Variants in QRSL1 observed in about 807,000 individuals in gnomAD.
QRSL1 encodes glutamyl-tRNA(Gln) amidotransferase subunit A, mitochondrial.
In QRSL1, 54 loss-of-function variants were observed where a neutral mutation model predicts 61.6. The observed-to-expected ratio is 0.88, with a 90% CI of 0.70 to 1.10. The LOEUF is 1.10. QRSL1 is among the 50% of genes least tolerant of loss of function. The pLI is 0.00. For missense variants in QRSL1, 505 were observed against 622.6 expected, an observed-to-expected ratio of 0.81 and a Z score of 2.01; for synonymous variants, 228 against 225.7, an observed-to-expected ratio of 1.01 and a Z score of -0.09.
At position 106,663,023 on chromosome 6, in the gene QRSL1, C is replaced by G. The variant is rs777858343; in HGVS notation, c.1204C>G (p.Leu402Val). ...TGTCAAAGCACAGAAAGTGAGACGC[C>G]TCATTGCTAATGACTTTGTAAATGC... Reference protein sequence around the residue: ...YFVKAQKVRRLIANDFVNAFN... With the variant: ...YFVKAQKVRRVIANDFVNAFN... The change falls in exon 10 of 11, where the codon CTC becomes GTC. Residue 402 changes from leucine to valine, a missense_variant. Leu to Val is a conservative substitution (Grantham distance 32). Transcript: ENST00000369046. 26 of 1,612,898 alleles carry G rather than the reference C, an allele frequency of 1.6e-5. No homozygotes were observed. The highest frequency in any genetic ancestry group is 3.3e-4 in the Middle Eastern group (2 of 6,080).
chr6:106,640,969 T>A (rs199791215), intron 3 of QRSL1, 48 bp downstream of exon 3: 4 of 1,389,086 alleles, frequency 2.9e-6, no homozygotes, highest in Non-Finnish European at 3.0e-6. Context: ...AAAATAGGTA[T>A]TTTTCGCTTT....
At chr6:106,648,909 T>A in intron 4 of QRSL1, 116 bp from the exon 5 acceptor site, 1 of 1,026,030 alleles carries the variant, frequency 9.7e-7, no homozygotes, top group Non-Finnish European at 1.4e-6. Flanking sequence ...CAATTCAAGC[T>A]ACAGTGGGTT....
Position 106,629,719 on chromosome 6 carries a change from G to A in QRSL1, c.24+14G>A. 2 of 1,601,216 alleles carry A rather than the reference G, an allele frequency of 1.2e-6. No individual in the cohort carries two copies. Among genetic ancestry groups the A allele is most frequent in the Non-Finnish European group, 1.7e-6 (2 of 1,174,500 alleles). On this transcript the variant is annotated intron_variant, in intron 1 of 10. Transcript: ENST00000369046. ...AGCCTCCGAGAAGTGAGTGGAATTGGCCCGCTGAGGCCCCCGGGAGGGCGG... is the reference window on the plus strand; with the variant it reads ...AGCCTCCGAGAAGTGAGTGGAATTGACCCGCTGAGGCCCCCGGGAGGGCGG...
At position 106,663,037 on chromosome 6, in the gene QRSL1, C is replaced by T; in HGVS notation, c.1218C>T (p.Asp406=). ...AAGTGAGACGCCTCATTGCTAATGA[C>T]TTTGTAAATGCTTTTAACTCTGGAG... ...AQKVRRLIAN[D]FVNAFNSGVD... The change falls in exon 10 of 11, where the codon GAC becomes GAT. Residue 406 remains aspartate (D), a synonymous_variant. Transcript: ENST00000369046. 6.2e-7 allele frequency: 1 copy of T among 1,613,162 alleles called. No homozygotes were observed.
chr6:106,644,151 C>T (rs1376297713), intron 4 of QRSL1, among the ~76,000 whole-genome samples: 1 of 152,186 alleles, frequency 6.6e-6, no homozygotes, highest in Non-Finnish European at 1.5e-5. Context: ...GGATTACAGG[C>T]ATGTGCCACC....
intron 10 of QRSL1, 71 bp downstream of exon 10, chr6:106,663,256 A>T: frequency 1.4e-6 from 2 of 1,463,806 alleles, no homozygotes; most frequent in South Asian, 2.3e-5. Flanking sequence ...TCAACTTAAG[A>T]TTCTAGCTAG....
Position 106,640,969 on chromosome 6 carries a change from T to C in QRSL1, c.283+48T>C, listed in dbSNP as rs199791215. On this transcript the variant is annotated intron_variant, in intron 3 of 10. Coordinates refer to ENST00000369046, the MANE Select transcript of QRSL1 (RefSeq NM_018292.5). ...ATTGATAATTTTATAAAAATAGGTA[T>C]TTTTCGCTTTAAGGATAATAAAGTA... 9 of 1,389,086 alleles carry C rather than the reference T, an allele frequency of 6.5e-6. No individual in the cohort carries two copies. In the East Asian group the frequency reaches 1.8e-4, roughly 29 times the overall value. The allele number at this position is 1,389,086 out of a possible 1,614,324, so 86.0% of individuals were successfully genotyped here.
intron 7 of QRSL1, 91 bp downstream of exon 7, chr6:106,652,673 C>T (rs1433639500): frequency 6.3e-6 from 10 of 1,578,824 alleles, no homozygotes; most frequent in Non-Finnish European, 8.6e-6. Flanking sequence ...GTTTGAATCT[C>T]TGCTCTGCCA....
chr6:106,639,111 G>GTTTTTTTTTTTTTTTTTTTTTTT (rs1562164982), intron 1 of QRSL1, among the ~76,000 whole-genome samples: 3 of 60,754 alleles, frequency 4.9e-5, no homozygotes, highest in Admixed American at 2.0e-4. Flanking sequence ...TTATTTGTGT[G>GTTTTTTTTTTTTTTTTTTTTTTT]TTTTGTTGTT....
At chr6:106,657,943 T>C (rs1025140923) in intron 9 of QRSL1, among the ~76,000 whole-genome samples, 9 of 152,142 alleles carry the variant, frequency 5.9e-5, no homozygotes, top group African/African-American at 2.2e-4. Context: ...GACCTCGTGA[T>C]CCGCCCACCT....
At chr6:106,644,060 T>C (rs1777069240) in intron 4 of QRSL1, among the ~76,000 whole-genome samples, 1 of 152,086 alleles carries the variant, frequency 6.6e-6, no homozygotes, top group South Asian at 2.1e-4. Flanking sequence ...TTAGTAGAGA[T>C]TGGGTGTCGC....
At chr6:106,645,643 A>C (rs1777095227) in intron 4 of QRSL1, among the ~76,000 whole-genome samples, 1 of 152,150 alleles carries the variant, frequency 6.6e-6, no homozygotes, top group Non-Finnish European at 1.5e-5. Context: ...GGCTGGTCTC[A>C]AACTCCTGAC....
chr6:106,637,961 C>A (rs1048833896), intron 1 of QRSL1, among the ~76,000 whole-genome samples: 6 of 152,232 alleles, frequency 3.9e-5, no homozygotes, highest in African/African-American at 1.4e-4. Flanking sequence ...AGTGAATATC[C>A]TAGACAATCT....
At chr6:106,635,481 A>G (rs551985636) in intron 1 of QRSL1, among the ~76,000 whole-genome samples, 10 of 152,162 alleles carry the variant, frequency 6.6e-5, no homozygotes, top group Non-Finnish European at 1.3e-4. Flanking sequence ...GCATGAATGG[A>G]CTGTGTTAAA....
intron 7 of QRSL1, chr6:106,653,662 AAG>A: frequency 1.3e-5 from 2 of 152,092 alleles, no homozygotes; most frequent in South Asian, 4.2e-4. Context: ...TGTCTACAAA[AAG>A]TTTTAAAAAA....
intron 1 of QRSL1, 57 bp from the exon 2 acceptor site, chr6:106,640,292 T>G: frequency 1.8e-6 from 2 of 1,111,492 alleles, no homozygotes; most frequent in Non-Finnish European, 2.6e-6. Flanking sequence ...CCCACCAATA[T>G]AACAATTGAA....
chr6:106,642,013 A>C (rs1777028229), intron 3 of QRSL1, among the ~76,000 whole-genome samples: 1 of 152,180 alleles, frequency 6.6e-6, no homozygotes, highest in African/African-American at 2.4e-5. Flanking sequence ...TATCACTATG[A>C]ATTGCTTAAT....
rs1377626080 is a variant in QRSL1, at chr6:106,668,417, A to G, written c.*2415A>G. ...AAACTCTAAAATTATTAGCAACAGAACTTCCAGAACAGAGTGTTTTTGAAA... is the reference window on the plus strand; with the variant it reads ...AAACTCTAAAATTATTAGCAACAGAGCTTCCAGAACAGAGTGTTTTTGAAA... On this transcript the variant is annotated 3_prime_UTR_variant, in exon 11 of 11. Transcript: ENST00000369046. The G allele has an allele frequency of 6.6e-6, 1 of 152,150 alleles. No individual in the cohort carries two copies. The highest frequency in any genetic ancestry group is 2.4e-5 in the African/African-American group (1 of 41,428). The allele number at this position is 152,150 out of a possible 1,614,324, so 9.4% of individuals were successfully genotyped here.
rs575735662 is a variant in QRSL1, at chr6:106,642,944, A to C, written c.284-50A>C. 207 of 1,282,654 alleles carry C rather than the reference A, an allele frequency of 1.6e-4. 5 individuals are homozygous for C. The South Asian group carries it at 2.6e-3, about 16-fold the overall frequency. 79.5% of individuals were successfully genotyped at this position (1,282,654 alleles called of 1,614,324 possible). On this transcript the variant is annotated intron_variant, in intron 3 of 10. Coordinates refer to ENST00000369046, the MANE Select transcript of QRSL1 (RefSeq NM_018292.5). ...CATGGCATAATAGGTATAAACAAAT[A>C]AAAGACTTCTGGACTGTAAAAAAAA... is the stretch of plus-strand genomic sequence containing the variant.
Sources: gnomAD v4.1 joint callset for allele counts (sites outside exome capture counted in the v4.1 genomes callset) on GRCh38, gnomAD v4.1.1 for gene constraint, MANE v1.5 for transcripts, NCBI Gene and HGNC (gene_info 2026-07-23, HGNC 2026-07-21) for gene names.